The following KAZN variants were observed in gnomAD, a reference collection of about 807,000 sequenced individuals.
KAZN encodes kazrin.
Under a neutral mutation model 87.4 loss-of-function variants are expected in KAZN, and 40 were observed. That is an observed-to-expected ratio of 0.46 (90% CI 0.36 to 0.60). The LOEUF (loss-of-function observed/expected upper bound fraction) is 0.60, where lower values mean the gene tolerates loss of function less well. KAZN is among the 20% of genes least tolerant of loss of function. The probability of loss-of-function intolerance (pLI) is 0.00; values close to 1 mark genes in which losing one functional copy is unlikely to be tolerated. For synonymous variants in KAZN, 466 were observed against 458.3 expected, an observed-to-expected ratio of 1.02 and a Z score of -0.22; for missense variants, 898 against 1,073.9, an observed-to-expected ratio of 0.84 and a Z score of 2.29.
chr1:13,965,174 G>C (rs764842457), intron 1 of KAZN, among the ~76,000 whole-genome samples: 12 of 152,106 alleles, frequency 7.9e-5, no homozygotes, highest in Non-Finnish European at 1.5e-4. Context: ...GAGAGGTTTG[G>C]GCAGGAGGTC....
intron 2 of KAZN, among the ~76,000 whole-genome samples, chr1:14,442,502 C>G (rs923358498): frequency 6.6e-6 from 1 of 152,182 alleles, no homozygotes; most frequent in Non-Finnish European, 1.5e-5. Flanking sequence ...ATAGCTGTTG[C>G]AGCTACACCT....
rs547000687 is a variant in KAZN, at chr1:14,756,100, A to G, written c.226+156877A>G. 4.1e-4 allele frequency among the ~76,000 whole-genome samples: 62 copies of G among 152,146 alleles called. 1 individual carries two copies. The highest frequency in any genetic ancestry group is 7.6e-4 in the Non-Finnish European group (52 of 68,020). ...GCTAGTTGCCATGGCTTTGTTCCTCATAACAAGCCCATCACAAGCCCTGAC... is the reference window on the plus strand; with the variant it reads ...GCTAGTTGCCATGGCTTTGTTCCTCGTAACAAGCCCATCACAAGCCCTGAC... On this transcript the variant is annotated intron_variant, in intron 1 of 14. Coordinates refer to ENST00000376030, the MANE Select transcript of KAZN (RefSeq NM_201628.3).
At chr1:15,109,980 T>C (rs576410843) in intron 13 of KAZN, among the ~76,000 whole-genome samples, 1 of 135,220 alleles carries the variant, frequency 7.4e-6, no homozygotes, top group South Asian at 2.5e-4. Context: ...TGTATGTTTG[T>C]ATGTTTATGT....
chr1:14,985,255 CCAA>C (rs1666677938), intron 2 of KAZN, among the ~76,000 whole-genome samples: 10 of 134,152 alleles, frequency 7.5e-5, no homozygotes, highest in African/African-American at 2.5e-4. Context: ...TGGTGGGAGG[CCAA>C]GGTGGGAGGC....
At chr1:14,364,107 ATTAGAGATGTGTTGTTGACAG>A (rs1659760138) in intron 2 of KAZN, among the ~76,000 whole-genome samples, 1 of 151,786 alleles carries the variant, frequency 6.6e-6, no homozygotes, top group Non-Finnish European at 1.5e-5. Flanking sequence ...GGCCCTTTTC[ATTAGAGATGTGTTGTTGACAG>A]GATCATGGAG....
At chr1:14,513,238 T>C (rs1007608928) in intron 2 of KAZN, among the ~76,000 whole-genome samples, 1 of 152,134 alleles carries the variant, frequency 6.6e-6, no homozygotes, top group Non-Finnish European at 1.5e-5. Flanking sequence ...TAACTTATTG[T>C]CTTAAGCCTC....
intron 2 of KAZN, among the ~76,000 whole-genome samples, chr1:14,290,932 A>G (rs1337122009): frequency 6.6e-6 from 1 of 152,042 alleles, no homozygotes; most frequent in African/African-American, 2.4e-5. Context: ...TCTAACAGTC[A>G]GGTCCCTCAG....
intron 1 of KAZN, among the ~76,000 whole-genome samples, chr1:14,693,034 A>G (rs1641407972): frequency 6.6e-6 from 1 of 152,158 alleles, no homozygotes; most frequent in African/African-American, 2.4e-5. Flanking sequence ...TTTAAAGGGA[A>G]TGGAAATATG....
At chr1:14,243,523 A>G (rs983481996) in intron 2 of KAZN, among the ~76,000 whole-genome samples, 1 of 152,214 alleles carries the variant, frequency 6.6e-6, no homozygotes, top group African/African-American at 2.4e-5. Flanking sequence ...CTCTTCCTTC[A>G]CATGAGTATC....
In KAZN at chr1:15,070,910, A is replaced by AGAT. The variant is rs1294236126; in HGVS notation, c.1222+5159_1222+5161dup. Among the ~76,000 whole-genome samples the AGAT allele has an allele frequency of 2.6e-5, 4 of 152,208 alleles. No individual in the cohort carries two copies. In the East Asian group the frequency reaches 5.8e-4, roughly 22 times the overall value. Reference sequence around the variant, plus strand: ...AAACTTGCATTTTCCCAGACACCCCAGATGGCTCCTAGGCTTTTTCCAGTT... The same window carrying AGAT: ...AAACTTGCATTTTCCCAGACACCCCAGATGATGGCTCCTAGGCTTTTTCCAGTT... On this transcript the variant is annotated intron_variant, in intron 8 of 14. Coordinates refer to ENST00000376030, the MANE Select transcript of KAZN (RefSeq NM_201628.3).
chr1:14,193,213 G>A (rs1432451226), intron 2 of KAZN, among the ~76,000 whole-genome samples: 1 of 152,200 alleles, frequency 6.6e-6, no homozygotes, highest in Non-Finnish European at 1.5e-5. Context: ...ATGCTGAACT[G>A]TGAGTCAATT....
intron 2 of KAZN, among the ~76,000 whole-genome samples, chr1:14,181,184 GACAAACACCAA>G (rs1646190099): frequency 6.6e-6 from 1 of 152,212 alleles, no homozygotes; most frequent in Non-Finnish European, 1.5e-5. Context: ...CGTGTTGATA[GACAAACACCAA>G]GTGTTTTAAG....
At chr1:14,438,994 T>G (rs1000674370) in intron 2 of KAZN, among the ~76,000 whole-genome samples, 31 of 152,238 alleles carry the variant, frequency 2.0e-4, no homozygotes, top group African/African-American at 7.2e-4. Context: ...GTCTCCATTC[T>G]AACAACTGCC....
At chr1:15,007,070 A>G (rs952979991) in intron 2 of KAZN, among the ~76,000 whole-genome samples, 3 of 150,746 alleles carry the variant, frequency 2.0e-5, no homozygotes, top group Admixed American at 6.6e-5. Flanking sequence ...AAAAAAAAAA[A>G]AAAAAAAGAA....
intron 1 of KAZN, among the ~76,000 whole-genome samples, chr1:14,876,853 G>C (rs1364104165): frequency 6.6e-6 from 1 of 152,174 alleles, no homozygotes; most frequent in East Asian, 1.9e-4. Flanking sequence ...TTACCACTTA[G>C]AATACTGCAA....
At chr1:14,888,527 G>A (rs774509673) in intron 1 of KAZN, among the ~76,000 whole-genome samples, 1 of 152,154 alleles carries the variant, frequency 6.6e-6, no homozygotes, top group African/African-American at 2.4e-5. Flanking sequence ...ACTTCGACCA[G>A]ATTTTACCCC....
At chr1:14,104,619 C>T (rs188990027) in intron 1 of KAZN, among the ~76,000 whole-genome samples, 1 of 152,332 alleles carries the variant, frequency 6.6e-6, no homozygotes, top group Admixed American at 6.5e-5. Flanking sequence ...TCCTAGCTGT[C>T]CCAGCTGCAA....
At chr1:14,171,968 T>C (rs1453937505) in intron 1 of KAZN, among the ~76,000 whole-genome samples, 1 of 143,302 alleles carries the variant, frequency 7.0e-6, no homozygotes, top group African/African-American at 2.7e-5. Flanking sequence ...AGCGTGTCAT[T>C]TTTTTCCTCT....
chr1:15,024,954 CA>C (rs2102186587), intron 2 of KAZN, among the ~76,000 whole-genome samples: 1 of 152,266 alleles, frequency 6.6e-6, no homozygotes, highest in African/African-American at 2.4e-5. Flanking sequence ...CTGTCCCTCC[CA>C]GGGAGGGCAA....
Sources: allele counts gnomAD v4.1 joint callset (sites outside exome capture counted in the v4.1 genomes callset), GRCh38; gene constraint gnomAD v4.1.1; transcripts MANE v1.5; gene names NCBI Gene and HGNC (gene_info 2026-07-23, HGNC 2026-07-21).